Variants in ADRA1D observed in about 807,000 individuals in gnomAD.
ADRA1D encodes alpha-1D adrenergic receptor.
ADRA1D carries 22 observed loss-of-function variants against 18.6 expected under a neutral mutation model. The ratio of observed to expected loss-of-function variants is 1.19; its 90% CI spans 0.85 to 1.69. ADRA1D has a LOEUF of 1.69. ADRA1D is among the 40% of genes most tolerant of loss of function. The pLI, the probability that ADRA1D is intolerant of heterozygous loss-of-function variation, is 0.00. For missense variants in ADRA1D, 840 were observed against 840.7 expected, an observed-to-expected ratio of 1.00 and a Z score of 0.01; for synonymous variants, 376 against 388.2, an observed-to-expected ratio of 0.97 and a Z score of 0.37.
chr20:4,247,751 A>C (rs1981368056), intron 1 of ADRA1D, 96 bp downstream of exon 1: 1 of 1,344,150 alleles, frequency 7.4e-7, no homozygotes, highest in South Asian at 1.8e-5. Context: ...TCAACCTTCT[A>C]GGTTCAGGTG....
chr20:4,228,703 A>G (rs796291882), intron 1 of ADRA1D, among the ~76,000 whole-genome samples: 8 of 152,328 alleles, frequency 5.3e-5, no homozygotes, highest in African/African-American at 1.9e-4. Flanking sequence ...AGGCCACAGA[A>G]ACTAGGCACT....
Position 4,221,708 on chromosome 20 carries a change from C to A in ADRA1D, c.1534G>T (p.Ala512Ser). The A allele has an allele frequency of 6.2e-7, 1 of 1,610,302 alleles. No individual in the cohort carries two copies. Among genetic ancestry groups the A allele is most frequent in the Non-Finnish European group, 8.5e-7 (1 of 1,179,338 alleles). Reference sequence around the variant, plus strand: ...TTGTGCGACAGGCTGGAGACTTTGGCGCGCAGCTGGGTCGTGGGTCTCCGG... The same window carrying A: ...TTGTGCGACAGGCTGGAGACTTTGGAGCGCAGCTGGGTCGTGGGTCTCCGG... ...PFRRPTTQLR[A>S]KVSSLSHKIR... The change falls in exon 2 of 2, where the codon GCC becomes TCC. Residue 512 changes from alanine to serine, a missense_variant. Physicochemically the swap from Ala to Ser is moderately conservative, Grantham distance 99. Transcript: ENST00000379453.
rs766749377 is a variant in ADRA1D at position 4,248,911 on chromosome 20, G to C, written c.47C>G (p.Pro16Arg). Residue 16 changes from proline to arginine, a missense_variant, in exon 1 of 2, where the codon CCG (proline) becomes CGG (arginine). Transcript: ENST00000379453. ...LLSVSFEGPR[P>R]DSSAGGSSAG... ...GCTGGAGCCCCCTGCGCTGCTGTCC[G>C]GGCGGGGTCCCTCGAAACTGACGCT... is the stretch of plus-strand genomic sequence containing the variant. The C allele has an allele frequency of 4.1e-3, 5,434 of 1,331,386 alleles. 26 individuals carry two copies. Among genetic ancestry groups the C allele is most frequent in the Non-Finnish European group, 4.1e-3 (4,235 of 1,028,546 alleles). The allele number at this position is 1,331,386 out of a possible 1,614,324, so 82.5% of individuals were successfully genotyped here.
At chr20:4,233,596 C>T (rs990297820) in intron 1 of ADRA1D, among the ~76,000 whole-genome samples, 1 of 152,162 alleles carries the variant, frequency 6.6e-6, no homozygotes, top group African/African-American at 2.4e-5. Context: ...AACGCTGCTT[C>T]TAGGGAACCC....
chr20:4,237,133 C>T (rs1346403112), intron 1 of ADRA1D, among the ~76,000 whole-genome samples: 1 of 151,880 alleles, frequency 6.6e-6, no homozygotes, highest in East Asian at 1.9e-4. Context: ...CCGAGGAAGG[C>T]TGAGAAGGAG....
intron 1 of ADRA1D, among the ~76,000 whole-genome samples, chr20:4,224,715 AG>A (rs71901636): frequency 0.045 from 4,878 of 107,688 alleles, 576 homozygotes; most frequent in East Asian, 0.16. Flanking sequence ...GGCCAGGGGT[AG>A]GGGGGGGTCC....
chr20:4,231,088 T>TC (rs1568764770), intron 1 of ADRA1D, among the ~76,000 whole-genome samples: 56 of 84,496 alleles, frequency 6.6e-4, no homozygotes, highest in African/African-American at 1.7e-3. Flanking sequence ...CTCTCTTTTC[T>TC]TTTCTTTTCT....
At position 4,243,910 on chromosome 20, in the gene ADRA1D, T is replaced by C. The variant is rs553470978; in HGVS notation, c.1111+3937A>G. Among the ~76,000 whole-genome samples, 10 of 152,206 alleles carry C rather than the reference T, an allele frequency of 6.6e-5. No homozygotes were observed. In the South Asian group the frequency reaches 2.1e-3, roughly 32 times the overall value. The stretch of plus-strand genomic sequence containing the variant: ...GGGCAGCTGGAAGTGTAGGGGATGA[T>C]CCCCAGCTACTCTCTGGGATTCTCT... On this transcript the variant is annotated intron_variant, in intron 1 of 1. Coordinates refer to ENST00000379453, the MANE Select transcript of ADRA1D (RefSeq NM_000678.4).
At chr20:4,231,358 A>G (rs1980967114) in intron 1 of ADRA1D, among the ~76,000 whole-genome samples, 1 of 151,646 alleles carries the variant, frequency 6.6e-6, no homozygotes, top group Non-Finnish European at 1.5e-5. Flanking sequence ...GCCTCAAATG[A>G]TCCTCCTGCC....
intron 1 of ADRA1D, among the ~76,000 whole-genome samples, chr20:4,230,695 T>C (rs1216439752): frequency 2.6e-5 from 4 of 152,254 alleles, no homozygotes; most frequent in Admixed American, 6.5e-5. Context: ...AACATGGTGC[T>C]GCTCACAAGG....
Position 4,248,959 on chromosome 20 carries a change from TC to T in ADRA1D, c.-3del. The T allele has an allele frequency of 7.4e-7, 1 of 1,355,646 alleles. No individual in the cohort carries two copies. The allele number at this position is 1,355,646 out of a possible 1,614,324, so 84.0% of individuals were successfully genotyped here. On this transcript the variant is annotated 5_prime_UTR_variant, in exon 1 of 2. The change abolishes the stop of an existing upstream ORF in the 5' untranslated region. Transcript: ENST00000379453. ...GCTCAGGAGATCGCGGAAAGTCATC[TC>T]AACGCGCGGCCGTCGGTGGCCGGGC...
At chr20:4,226,626 T>G (rs1006930000) in intron 1 of ADRA1D, among the ~76,000 whole-genome samples, 9 of 152,326 alleles carry the variant, frequency 5.9e-5, no homozygotes, top group African/African-American at 1.7e-4. Context: ...CACACTTCCT[T>G]TCTGCCACAT....
rs948580670 is a variant in ADRA1D, at chr20:4,242,201, C to T, written c.1111+5646G>A. 4.6e-5 allele frequency among the ~76,000 whole-genome samples: 7 copies of T among 152,194 alleles called. 1 individual carries two copies. Among genetic ancestry groups the T allele is most frequent in the Non-Finnish European group, 7.3e-5 (5 of 68,046 alleles). On this transcript the variant is annotated intron_variant, in intron 1 of 1. Coordinates refer to ENST00000379453, the MANE Select transcript of ADRA1D (RefSeq NM_000678.4). ...TGAGTTTCAGACCTGGCTTATTTTGCGCAGTATAACATCCATGAAATTCAT... is the reference window on the plus strand; with the variant it reads ...TGAGTTTCAGACCTGGCTTATTTTGTGCAGTATAACATCCATGAAATTCAT...
chr20:4,248,612 G>C lies in ADRA1D; in HGVS notation c.346C>G (p.Leu116Val). The change falls in exon 1 of 2, where the codon CTT becomes GTT. Residue 116 changes from leucine to valine, a missense_variant. By Grantham distance (32) the Leu-to-Val change is conservative (BLOSUM62 1). Coordinates refer to ENST00000379453, the MANE Select transcript of ADRA1D (RefSeq NM_000678.4). Reference protein sequence around the residue: ...FILMAVAGNLLVILSVACNRH... With the variant: ...FILMAVAGNLVVILSVACNRH... Reference sequence around the variant, plus strand: ...TTGCAGGCCACTGAGAGGATGACAAGCAGGTTACCTGCCACGGCCATAAGG... The same window carrying C: ...TTGCAGGCCACTGAGAGGATGACAACCAGGTTACCTGCCACGGCCATAAGG... The C allele has an allele frequency of 6.2e-7, 1 of 1,613,098 alleles. No individual in the cohort carries two copies. The highest frequency in any genetic ancestry group is 8.5e-7 in the Non-Finnish European group (1 of 1,179,882).
At position 4,239,187 on chromosome 20, in the gene ADRA1D, G is replaced by A. The variant is rs1180273680; in HGVS notation, c.1111+8660C>T. 6.6e-6 allele frequency among the ~76,000 whole-genome samples: 1 copy of A among 152,086 alleles called. No homozygotes were observed. Among genetic ancestry groups the A allele is most frequent in the Non-Finnish European group, 1.5e-5 (1 of 68,028 alleles). ...CATCATGGGTCAGCCTCAGTACAGTGGAGTCACACTGATGACCAGGGTAGG... is the reference window on the plus strand; with the variant it reads ...CATCATGGGTCAGCCTCAGTACAGTAGAGTCACACTGATGACCAGGGTAGG... On this transcript the variant is annotated intron_variant, in intron 1 of 1. Transcript: ENST00000379453. This position sits in a 1 kb window ranked among gnomAD's most constrained non-coding sequence, Gnocchi z 4.9.
Position 4,247,878 on chromosome 20 carries a change from G to C in ADRA1D, c.1080C>G (p.Cys360Trp). Residue 360 changes from cysteine (C) to tryptophan (W), a missense_variant, in exon 1 of 2, where the codon TGC (cysteine) becomes TGG (tryptophan). By Grantham distance (215) the Cys-to-Trp change is radical. Coordinates refer to ENST00000379453, the MANE Select transcript of ADRA1D (RefSeq NM_000678.4). Reference sequence around the variant, plus strand: ...GCAGGACAAAGAAGAAAGGGAACCAGCAGAGCACGAAGACACCCACGACGA... The same window carrying C: ...GCAGGACAAAGAAGAAAGGGAACCACCAGAGCACGAAGACACCCACGACGA... ...LAIVVGVFVL[C>W]WFPFFFVLPL... 6.3e-7 allele frequency: 1 copy of C among 1,578,696 alleles called. No homozygotes were observed. The highest frequency in any genetic ancestry group is 8.6e-7 in the Non-Finnish European group (1 of 1,164,644).
intron 1 of ADRA1D, among the ~76,000 whole-genome samples, chr20:4,241,884 C>G (rs1981222241): frequency 6.6e-6 from 1 of 152,236 alleles, no homozygotes. Context: ...TGCCTTCTCT[C>G]TCACTGTAAC....
At chr20:4,229,989 A>G (rs890087976) in intron 1 of ADRA1D, among the ~76,000 whole-genome samples, 3 of 151,750 alleles carry the variant, frequency 2.0e-5, no homozygotes, top group Admixed American at 1.3e-4. Flanking sequence ...TTCCAGCCAC[A>G]TTGCCTTCCC....
At chr20:4,246,393 G>A (rs1357463563) in intron 1 of ADRA1D, among the ~76,000 whole-genome samples, 1 of 152,236 alleles carries the variant, frequency 6.6e-6, no homozygotes, top group Non-Finnish European at 1.5e-5. Context: ...GAACATTTAA[G>A]CCAAGACCTA....
Sources: allele counts gnomAD v4.1 joint callset (sites outside exome capture counted in the v4.1 genomes callset), GRCh38; gene constraint gnomAD v4.1.1; non-coding constraint Gnocchi (gnomAD v3.1); transcripts MANE v1.5; gene names NCBI Gene and HGNC (gene_info 2026-07-23, HGNC 2026-07-21).